Variants in AGO3 observed in about 807,000 individuals in gnomAD.
AGO3 encodes the protein protein argonaute-3.
AGO3 carries 16 observed loss-of-function variants against 105.5 expected under a neutral mutation model. The observed-to-expected ratio is 0.15, with a 90% CI of 0.10 to 0.23. The LOEUF is 0.23. Among genes scored for constraint, AGO3 ranks in the 10% least tolerant of loss-of-function variants. The pLI, the probability that AGO3 is intolerant of heterozygous loss-of-function variation, is 1.00. For missense variants in AGO3, 534 were observed against 1,088.0 expected, an observed-to-expected ratio of 0.49 and a Z score of 7.16; for synonymous variants, 340 against 367.3, an observed-to-expected ratio of 0.93 and a Z score of 0.85.
chr1:36,063,883 G>GGACT lies in AGO3; in HGVS notation c.*8139_*8142dup, dbSNP rs1477106045. ...CCCACCTCAGCCTCTGAAGTAGCTG[G>GGACT]GACTACTCACATGCGCCACCATGCC... is the stretch of plus-strand genomic sequence containing the variant. On this transcript the variant is annotated 3_prime_UTR_variant, in exon 19 of 19. Transcript: ENST00000373191. The GGACT allele has an allele frequency of 6.6e-6, 1 of 152,040 alleles. No individual in the cohort carries two copies. The highest frequency in any genetic ancestry group is 1.5e-5 in the Non-Finnish European group (1 of 68,060). 9.4% of individuals were successfully genotyped at this position (152,040 alleles called of 1,614,324 possible).
intron 3 of AGO3, among the ~76,000 whole-genome samples, chr1:35,971,141 AAATATAT>A (rs1238385695): frequency 7.4e-6 from 1 of 135,390 alleles, no homozygotes; most frequent in African/African-American, 3.2e-5. Context: ...ATAAATTTAT[AAATATAT>A]AATATATATT....
At chr1:36,040,571 T>C (rs1431068212) in intron 16 of AGO3, 130 bp downstream of exon 16, 2 of 964,726 alleles carry the variant, frequency 2.1e-6, no homozygotes, top group Non-Finnish European at 3.1e-6. Flanking sequence ...ACAATTACAT[T>C]ATGAGTATAG....
chr1:36,019,623 T>C (rs531203436), intron 11 of AGO3, among the ~76,000 whole-genome samples: 3 of 152,338 alleles, frequency 2.0e-5, no homozygotes, highest in African/African-American at 7.2e-5. Context: ...GAAATCCCTC[T>C]GTAAAGTGTT....
rs1646885609 is a variant in AGO3, at chr1:35,972,450, T to C, written c.521+218T>C. ...TACGTCATTAGCTTAGCTAGTCTCA[T>C]GAATAATTTTATAGAAAAATATCTC... On this transcript the variant is annotated intron_variant, in intron 4 of 18. Transcript: ENST00000373191. Among the ~76,000 whole-genome samples the C allele has an allele frequency of 3.3e-5, 5 of 152,246 alleles. 1 individual carries two copies. The South Asian group carries it at 1.0e-3, about 31-fold the overall frequency.
chr1:36,044,811 A>T (rs113233476), intron 17 of AGO3, among the ~76,000 whole-genome samples: 32 of 152,220 alleles, frequency 2.1e-4, no homozygotes, highest in Non-Finnish European at 4.3e-4. Flanking sequence ...TTAATGTGTT[A>T]GCTTTACTTG....
intron 12 of AGO3, among the ~76,000 whole-genome samples, chr1:36,030,056 T>C (rs1055133630): frequency 1.3e-5 from 2 of 152,106 alleles, no homozygotes; most frequent in Admixed American, 1.3e-4. Flanking sequence ...GTGTGGAAAA[T>C]ATTTGTAGCA....
At chr1:35,963,405 T>C (rs1342215489) in intron 2 of AGO3, among the ~76,000 whole-genome samples, 2 of 152,088 alleles carry the variant, frequency 1.3e-5, no homozygotes, top group Non-Finnish European at 2.9e-5. Flanking sequence ...GCAACGTGAA[T>C]AGGTTTTAAA....
At chr1:35,935,110 C>A (rs1348227657) in intron 1 of AGO3, among the ~76,000 whole-genome samples, 3 of 151,942 alleles carry the variant, frequency 2.0e-5, no homozygotes, top group African/African-American at 7.3e-5. Context: ...ACCATTATGA[C>A]TTAAAAAAAA....
In AGO3 at chr1:35,997,338, A is replaced by G. The variant is rs560345777; in HGVS notation, c.659-7003A>G. ...GGCAGTTTATTTTAAAGTTAAACCCAGTCCTCAACTTAGAATGGTTTGACT... is the reference window on the plus strand; with the variant it reads ...GGCAGTTTATTTTAAAGTTAAACCCGGTCCTCAACTTAGAATGGTTTGACT... On this transcript the variant is annotated intron_variant, in intron 5 of 18. Transcript: ENST00000373191. 7.9e-5 allele frequency among the ~76,000 whole-genome samples: 12 copies of G among 152,340 alleles called. No individual in the cohort carries two copies. The South Asian group carries it at 1.9e-3, about 24-fold the overall frequency.
intron 12 of AGO3, among the ~76,000 whole-genome samples, chr1:36,030,003 CTACATGTCACG>C (rs67144574): frequency 0.14 from 21,338 of 151,832 alleles, 3,557 homozygotes; most frequent in East Asian, 0.68. Context: ...CCTAAATTTC[CTACATGTCACG>C]GATGTACTAA....
chr1:36,027,308 T>C lies in AGO3; in HGVS notation c.1591+10T>C. On this transcript the variant is annotated intron_variant, in intron 12 of 18. Coordinates refer to ENST00000373191, the MANE Select transcript of AGO3 (RefSeq NM_024852.4). The surrounding 1 kb of genome is among the most constrained non-coding windows in gnomAD (Gnocchi z 4.0). Reference sequence around the variant, plus strand: ...AAGACACCAGTGTATGGTAAGGATATCTTAAGACTGCATTTTTCCTCAAGT... The same window carrying C: ...AAGACACCAGTGTATGGTAAGGATACCTTAAGACTGCATTTTTCCTCAAGT... 6.3e-7 allele frequency: 1 copy of C among 1,580,286 alleles called. No homozygotes were observed. The highest frequency in any genetic ancestry group is 8.6e-7 in the Non-Finnish European group (1 of 1,160,534).
intron 17 of AGO3, among the ~76,000 whole-genome samples, chr1:36,046,434 G>A (rs768492922): frequency 3.3e-5 from 5 of 151,962 alleles, no homozygotes; most frequent in Non-Finnish European, 7.4e-5. Flanking sequence ...GCTCACACCT[G>A]TAATCCCAGC....
rs568659267 is a variant in AGO3 at position 36,067,924 on chromosome 1, G to C, written c.*12179G>C. On this transcript the variant is annotated 3_prime_UTR_variant, in exon 19 of 19. Transcript: ENST00000373191. The stretch of plus-strand genomic sequence containing the variant: ...CACTCTCAAAATACTTGGGAAAGAA[G>C]AATCACATGCCACAAGCTATAGCTT... 1 of 152,232 alleles carries C rather than the reference G, an allele frequency of 6.6e-6. No individual in the cohort carries two copies. Among genetic ancestry groups the C allele is most frequent in the Admixed American group, 6.5e-5 (1 of 15,284 alleles). The allele number at this position is 152,232 out of a possible 1,614,324, so 9.4% of individuals were successfully genotyped here. A position where few individuals can be genotyped will look rare whatever the true frequency, so the allele number is the denominator to read the frequency against.
intron 2 of AGO3, among the ~76,000 whole-genome samples, chr1:35,963,679 A>G (rs1300153427): frequency 6.6e-6 from 1 of 152,128 alleles, no homozygotes; most frequent in Non-Finnish European, 1.5e-5. Flanking sequence ...GAGTAAAAAA[A>G]AAACTATGAA....
chr1:36,048,848 C>A (rs1642581810), intron 17 of AGO3, among the ~76,000 whole-genome samples: 1 of 152,092 alleles, frequency 6.6e-6, no homozygotes, highest in African/African-American at 2.4e-5. Flanking sequence ...CATCACCACA[C>A]AAGGCATGCA....
At chr1:36,018,162 C>T (rs1053560421) in intron 11 of AGO3, among the ~76,000 whole-genome samples, 12 of 151,676 alleles carry the variant, frequency 7.9e-5, no homozygotes, top group Admixed American at 6.6e-5. Flanking sequence ...CTTAGTAGAG[C>T]GGGGTTTCAC....
intron 1 of AGO3, among the ~76,000 whole-genome samples, chr1:35,931,665 G>C (rs1270264496): frequency 6.6e-6 from 1 of 152,242 alleles, no homozygotes. Context: ...GGAAACGCTT[G>C]GAGGATTTAA....
chr1:35,993,907 C>T (rs1460257506), intron 5 of AGO3, among the ~76,000 whole-genome samples: 2 of 151,250 alleles, frequency 1.3e-5, no homozygotes, highest in African/African-American at 4.9e-5. Flanking sequence ...ACCACCATGC[C>T]CGGCTAATTT....
chr1:36,038,779 C>T (rs1225509734), intron 14 of AGO3, among the ~76,000 whole-genome samples: 1 of 152,144 alleles, frequency 6.6e-6, no homozygotes, highest in Non-Finnish European at 1.5e-5. Flanking sequence ...TAGCTAGTTT[C>T]AAAACCAAGA....
Sources: gnomAD v4.1 joint callset for allele counts (sites outside exome capture counted in the v4.1 genomes callset) on GRCh38, gnomAD v4.1.1 for gene constraint, Gnocchi (gnomAD v3.1) non-coding constraint, MANE v1.5 for transcripts, NCBI Gene and HGNC (gene_info 2026-07-23, HGNC 2026-07-21) for gene names.